Variants in ZSCAN5B observed in about 807,000 individuals in gnomAD.
ZSCAN5B encodes zinc finger and SCAN domain-containing protein 5B.
A neutral mutation model predicts 25.2 loss-of-function variants in ZSCAN5B; 26 were observed. The ratio of observed to expected loss-of-function variants is 1.03; its 90% CI spans 0.76 to 1.43. ZSCAN5B has a LOEUF of 1.43. ZSCAN5B is among the 40% of genes most tolerant of loss of function. ZSCAN5B has a pLI of 0.00. For synonymous variants in ZSCAN5B, 244 were observed against 240.9 expected (o/e 1.01, Z -0.12); for missense variants, 745 against 622.1 (o/e 1.20, Z -2.10).
chr19:56,189,910 AT>A lies in ZSCAN5B; in HGVS notation c.1404del (p.Lys468AsnfsTer19), dbSNP rs768460026. ...CGGAAGGCCTTTTGACAGGTGGGAC[AT>A]TTGTAGGGCTTCTCTCCGGAGTGGG... is the stretch of plus-strand genomic sequence containing the variant. On this transcript the variant is annotated frameshift_variant, in exon 5 of 5. Transcript: ENST00000586855. LOFTEE classifies it low-confidence loss of function (END_TRUNC). The A allele has an allele frequency of 1.9e-6, 3 of 1,614,002 alleles. No individual in the cohort carries two copies. The East Asian group carries it at 6.7e-5, about 36-fold the overall frequency.
At chr19:56,192,085 T>C in intron 2 of ZSCAN5B, 32 bp from the exon 3 acceptor site, 2 of 1,572,916 alleles carry the variant, frequency 1.3e-6, no homozygotes, top group South Asian at 1.1e-5. Context: ...TCAGACACTA[T>C]GAGAACCTGA....
intron 4 of ZSCAN5B, 102 bp from the exon 5 acceptor site, chr19:56,190,677 T>C (rs761433993): frequency 3.7e-4 from 567 of 1,552,364 alleles, no homozygotes; most frequent in Non-Finnish European, 4.7e-4. Flanking sequence ...GAACTTCCCC[T>C]CAACCTCAAG....
Position 56,190,462 on chromosome 19 carries a change from C to T in ZSCAN5B, c.853G>A (p.Gly285Arg), listed in dbSNP as rs763510836. Reference sequence around the variant, plus strand: ...AGATTCAGAGCATCTCCTCTGTTCCCGCTGTGAGTCAAAGCTTCTCTCTCC... The same window carrying T: ...AGATTCAGAGCATCTCCTCTGTTCCTGCTGTGAGTCAAAGCTTCTCTCTCC... The change falls in exon 5 of 5, where the codon GGG becomes AGG. Residue 285 changes from glycine to arginine, a missense_variant. By Grantham distance (125) the Gly-to-Arg change is moderately radical (BLOSUM62 -2). Transcript: ENST00000586855. 32 of 1,614,048 alleles carry T rather than the reference C, an allele frequency of 2.0e-5. No individual in the cohort carries two copies. The highest frequency in any genetic ancestry group is 1.7e-4 in the Middle Eastern group (1 of 6,058).
At chr19:56,192,956 G>C (rs2032759520) in exon 2 of ZSCAN5B, 2 of 1,613,082 alleles carry the variant, frequency 1.2e-6, no homozygotes, top group South Asian at 1.1e-5. Flanking sequence ...TGATTTCCAA[G>C]TTGAGTTTCT....
At chr19:56,197,805 C>T in exon 1 of ZSCAN5B, 1 of 985,352 alleles carries the variant, frequency 1.0e-6, no homozygotes, top group Middle Eastern at 5.2e-4. Flanking sequence ...AGCTGAACTG[C>T]GTCTATTTAT....
chr19:56,195,103 GTC>G (rs1438867170), intron 1 of ZSCAN5B, among the ~76,000 whole-genome samples: 1 of 152,168 alleles, frequency 6.6e-6, no homozygotes, highest in Non-Finnish European at 1.5e-5. Flanking sequence ...CTCAGGAAAG[GTC>G]ACTGGAAGCC....
chr19:56,190,696 A>G, intron 4 of ZSCAN5B, 121 bp from the exon 5 acceptor site: 1 of 1,544,660 alleles, frequency 6.5e-7, no homozygotes. Context: ...AGCCTAAGAC[A>G]TTGGACTGTA....
chr19:56,195,293 C>A (rs113684471), intron 1 of ZSCAN5B, among the ~76,000 whole-genome samples: 1 of 152,024 alleles, frequency 6.6e-6, no homozygotes, highest in Non-Finnish European at 1.5e-5. Context: ...TCCTCCAGAG[C>A]GAGAAAACAC....
At chr19:56,192,197 A>G (rs1010051102) in intron 2 of ZSCAN5B, 144 bp from the exon 3 acceptor site, 5 of 817,396 alleles carry the variant, frequency 6.1e-6, no homozygotes, top group Non-Finnish European at 9.4e-6. Context: ...CTGTGGACAC[A>G]GCAATCTGTC....
chr19:56,197,246 C>G (rs944663214), intron 1 of ZSCAN5B, among the ~76,000 whole-genome samples: 1 of 151,356 alleles, frequency 6.6e-6, no homozygotes, highest in Non-Finnish European at 1.5e-5. Context: ...GACCTCGGCT[C>G]ACTGCAACCT....
At chr19:56,197,756 G>A (rs1363653684) in exon 1 of ZSCAN5B, 1 of 985,306 alleles carries the variant, frequency 1.0e-6, no homozygotes, top group Non-Finnish European at 1.2e-6. Flanking sequence ...TTCTGCCTCC[G>A]ACCTTCTCGG....
rs2032736010 is a variant in ZSCAN5B, at chr19:56,191,679, G to A, written c.588+171C>T. ...CATGGTGGAGAGAAAAGTAGATGAG[G>A]CTTCCCTCTCTGTGATGGCTCAGGA... On this transcript the variant is annotated intron_variant, in intron 3 of 4. Coordinates refer to ENST00000586855, the Ensembl canonical transcript of ZSCAN5B. 2.1e-5 allele frequency among the ~76,000 whole-genome samples: 3 copies of A among 140,802 alleles called. No individual in the cohort carries two copies. The Admixed American group carries it at 2.3e-4, about 11-fold the overall frequency. 92.4% of individuals were successfully genotyped at this position (140,802 alleles called of 152,430 possible).
In ZSCAN5B at chr19:56,191,231, T is replaced by C. The variant is rs963367603; in HGVS notation, c.589-244A>G. ...AGAATATTTCTCCCCGCCGTGCCAA[T>C]GTCTCCCTGCCCCTGACGCTGGAAG... is the stretch of plus-strand genomic sequence containing the variant. On this transcript the variant is annotated intron_variant, in intron 3 of 4. Transcript: ENST00000586855. Among the ~76,000 whole-genome samples the C allele has an allele frequency of 5.9e-5, 9 of 152,248 alleles. No homozygotes were observed. The South Asian group carries it at 6.2e-4, about 11-fold the overall frequency.
intron 4 of ZSCAN5B, 58 bp from the exon 5 acceptor site, chr19:56,190,633 A>G: frequency 6.3e-7 from 1 of 1,583,886 alleles, no homozygotes; most frequent in Non-Finnish European, 8.6e-7. Flanking sequence ...TCAATACACC[A>G]AACTCATTGC....
exon 2 of ZSCAN5B, chr19:56,192,896 G>C (rs779701702): frequency 6.2e-7 from 1 of 1,614,064 alleles, no homozygotes; most frequent in South Asian, 1.1e-5. Flanking sequence ...GACTCCTCTG[G>C]GCAGCTGAAC....
intron 2 of ZSCAN5B, 49 bp downstream of exon 2, chr19:56,192,620 C>T: frequency 6.5e-7 from 1 of 1,548,124 alleles, no homozygotes. Flanking sequence ...ATTCTTTGGC[C>T]CCCATCCCAG....
At chr19:56,191,696 G>A (rs1017714316) in intron 3 of ZSCAN5B, among the ~76,000 whole-genome samples, 154 bp downstream of exon 3, 2 of 138,010 alleles carry the variant, frequency 1.4e-5, no homozygotes, top group African/African-American at 2.7e-5. Flanking sequence ...TCTCTGTGAT[G>A]GCTCAGGAAT....
chr19:56,193,912 A>G (rs4801297), intron 1 of ZSCAN5B, among the ~76,000 whole-genome samples: 150,372 of 150,422 alleles, frequency 1, 75,161 homozygotes, highest in Middle Eastern at 1. Flanking sequence ...CAGTGAGATC[A>G]TGCCACTGCA....
At chr19:56,194,513 C>T (rs2032782052) in intron 1 of ZSCAN5B, among the ~76,000 whole-genome samples, 1 of 152,046 alleles carries the variant, frequency 6.6e-6, no homozygotes, top group Non-Finnish European at 1.5e-5. Flanking sequence ...CCAGGCTGGT[C>T]TCAAACTCTG....
Sources: gnomAD v4.1 joint callset for allele counts (sites outside exome capture counted in the v4.1 genomes callset) on GRCh38, gnomAD v4.1.1 for gene constraint, MANE v1.5 for transcripts, NCBI Gene and HGNC (gene_info 2026-07-23, HGNC 2026-07-21) for gene names.